The following FAT2 variants were observed in gnomAD, a reference collection of about 807,000 sequenced individuals.
FAT2 encodes the protein FAT atypical cadherin 2.
In FAT2, 150 loss-of-function variants were observed where a neutral mutation model predicts 295.3. The observed-to-expected ratio is 0.51, with a 90% CI of 0.44 to 0.58. The LOEUF is 0.58. Ranked by LOEUF, FAT2 falls within the 20% of genes least tolerant of loss-of-function variation. The pLI, the probability that FAT2 is intolerant of heterozygous loss-of-function variation, is 0.00. For missense variants in FAT2, 4,868 were observed against 5,442.7 expected, an observed-to-expected ratio of 0.89 and a Z score of 3.32; for synonymous variants, 2,026 against 2,150.3, an observed-to-expected ratio of 0.94 and a Z score of 1.60.
chr5:151,538,966 G>A (rs1032379394), intron 11 of FAT2, among the ~76,000 whole-genome samples: 24 of 152,126 alleles, frequency 1.6e-4, no homozygotes, highest in Middle Eastern at 3.4e-3. Flanking sequence ...GATTACAGAC[G>A]TGGATGGAAG....
At chr5:151,592,124 T>C (rs1316659494), upstream of FAT2, among the ~76,000 whole-genome samples, 1 of 152,214 alleles carries the variant, frequency 6.6e-6, no homozygotes, top group East Asian at 1.9e-4. Flanking sequence ...TTGGCTTTGA[T>C]GCGTTTTATG....
Position 151,529,409 on chromosome 5 carries a change from T to C in FAT2, c.9812-17A>G. On this transcript the variant is annotated splice_polypyrimidine_tract_variant and intron_variant, in intron 14 of 23. Transcript: ENST00000261800. Reference sequence around the variant, plus strand: ...ACAGGATCCCTGAAGAAGCAAGAGGTGACAGCAGCAATGAGGCAGTTGGGC... The same window carrying C: ...ACAGGATCCCTGAAGAAGCAAGAGGCGACAGCAGCAATGAGGCAGTTGGGC... 1 of 1,611,520 alleles carries C rather than the reference T, an allele frequency of 6.2e-7. No homozygotes were observed. The highest frequency in any genetic ancestry group is 2.2e-5 in the East Asian group (1 of 44,848).
At chr5:151,576,017 A>G (rs779754381) in intron 1 of FAT2, among the ~76,000 whole-genome samples, 1 of 152,216 alleles carries the variant, frequency 6.6e-6, no homozygotes, top group Non-Finnish European at 1.5e-5. Flanking sequence ...CGGCATAGGA[A>G]CCACAGGATT....
intron 19 of FAT2, among the ~76,000 whole-genome samples, chr5:151,519,424 G>A (rs962672910): frequency 1.3e-5 from 2 of 152,214 alleles, no homozygotes; most frequent in African/African-American, 4.8e-5. Flanking sequence ...TATTGGATGG[G>A]ATATTGAAGA....
At chr5:151,556,012 C>T (rs903809156) in intron 4 of FAT2, among the ~76,000 whole-genome samples, 5 of 152,130 alleles carry the variant, frequency 3.3e-5, no homozygotes, top group Middle Eastern at 3.2e-3. Context: ...AGTGTTTGAC[C>T]GAGAATGATT....
At chr5:151,535,742 G>A (rs886797871) in intron 12 of FAT2, among the ~76,000 whole-genome samples, 1 of 152,174 alleles carries the variant, frequency 6.6e-6, no homozygotes. Context: ...CTGGGTAAGG[G>A]GGTAGAGTCT....
rs771672087 is a variant in FAT2 at position 151,566,140 on chromosome 5, C to T, written c.2792G>A (p.Arg931Lys). Residue 931 changes from arginine to lysine, a missense_variant, in exon 2 of 24, where the codon AGG becomes AAG. Arg to Lys is a conservative substitution (Grantham distance 26). This residue lies in a region of FAT2 where 3,297 missense variants were observed against 3,669.4 expected (regional missense o/e 0.90). Coordinates refer to ENST00000261800, the MANE Select transcript of FAT2 (RefSeq NM_001447.3). ...NSPQCITEHN[R>K]LKVPEDLPPG... ...GGGCAGGTCCTCTGGAACCTTCAGC[C>T]TGTTGTGTTCTGTGATGCACTGGGG... 4 of 1,613,986 alleles carry T rather than the reference C, an allele frequency of 2.5e-6. No homozygotes were observed. The African/African-American group carries it at 4.0e-5, about 16-fold the overall frequency.
Position 151,565,658 on chromosome 5 carries a change from C to T in FAT2, c.3259+15G>A. 1.4e-6 allele frequency: 1 copy of T among 721,096 alleles called. No homozygotes were observed. Among genetic ancestry groups the T allele is most frequent in the Non-Finnish European group, 2.2e-6 (1 of 447,328 alleles). The allele number at this position is 721,096 out of a possible 1,614,324, so 44.7% of individuals were successfully genotyped here. ...CCTCTGGCCCTGGCACCCCACCCTA[C>T]CCCACCCCCAGTACCTGTATCTTGG... On this transcript the variant is annotated intron_variant, in intron 2 of 23. Coordinates refer to ENST00000261800, the MANE Select transcript of FAT2 (RefSeq NM_001447.3).
rs748640768 is a variant in FAT2 at position 151,565,973 on chromosome 5, G to A, written c.2959C>T (p.Leu987=). The change falls in exon 2 of 24, where the codon CTG becomes TTG. Residue 987 remains leucine (L), a synonymous_variant. Transcript: ENST00000261800. ...MTGALILERE[L]DFERRAGYNL... is the part of the protein sequence containing the mutation. Reference sequence around the variant, plus strand: ...TACCCAGCTCGCCTCTCAAAGTCCAGCTCTCTCTCCAGAATGAGCGCCCCT... The same window carrying A: ...TACCCAGCTCGCCTCTCAAAGTCCAACTCTCTCTCCAGAATGAGCGCCCCT... 3 of 1,613,998 alleles carry A rather than the reference G, an allele frequency of 1.9e-6. No homozygotes were observed. The highest frequency in any genetic ancestry group is 2.5e-6 in the Non-Finnish European group (3 of 1,180,016).
At chr5:151,513,623 A>G (rs79525299) in intron 20 of FAT2, among the ~76,000 whole-genome samples, 1 of 133,916 alleles carries the variant, frequency 7.5e-6, no homozygotes, top group South Asian at 2.5e-4. Flanking sequence ...GGTTAAGGAC[A>G]AAAAACTACC....
At chr5:151,541,016 C>G (rs1756079298) in intron 10 of FAT2, among the ~76,000 whole-genome samples, 1 of 152,066 alleles carries the variant, frequency 6.6e-6, no homozygotes, top group Non-Finnish European at 1.5e-5. Context: ...TGGCTGAAGG[C>G]AGGGTTTTTT....
Position 151,566,676 on chromosome 5 carries a change from A to G in FAT2, c.2256T>C (p.Tyr752=). ...PDAGFNGKLV[Y]VIADGNEEGC... is the part of the protein sequence containing the mutation. Reference sequence around the variant, plus strand: ...CCTCCTCATTGCCATCTGCAATCACATAGACCAGTTTGCCATTAAAACCAG... The same window carrying G: ...CCTCCTCATTGCCATCTGCAATCACGTAGACCAGTTTGCCATTAAAACCAG... The change falls in exon 2 of 24, where the codon TAT becomes TAC. Residue 752 remains tyrosine (Y), a synonymous_variant. Coordinates refer to ENST00000261800, the MANE Select transcript of FAT2 (RefSeq NM_001447.3). 3.7e-6 allele frequency: 6 copies of G among 1,614,166 alleles called. No individual in the cohort carries two copies. The highest frequency in any genetic ancestry group is 4.2e-6 in the Non-Finnish European group (5 of 1,180,034).
At chr5:151,569,076 G>T in intron 1 of FAT2, 125 bp from the exon 2 acceptor site, 1 of 969,784 alleles carries the variant, frequency 1.0e-6, no homozygotes. Context: ...GATACTTTTG[G>T]CTGACCCAGC....
chr5:151,563,669 T>C, intron 2 of FAT2, 30 bp from the exon 3 acceptor site: 1 of 1,594,160 alleles, frequency 6.3e-7, no homozygotes, highest in Non-Finnish European at 8.6e-7. Flanking sequence ...AAACCCAAAA[T>C]ACTTTAGAGC....
Position 151,507,337 on chromosome 5 carries a change from T to C in FAT2, c.12334A>G (p.Asn4112Asp), listed in dbSNP as rs533240264. 1,321 of 1,614,176 alleles carry C rather than the reference T, an allele frequency of 8.2e-4. 23 individuals are homozygous for C. In the South Asian group the frequency reaches 0.014, roughly 17 times the overall value. The stretch of plus-strand genomic sequence containing the variant: ...CTGGGTTCCGGTTGGTTGAGGTTGT[T>C]GCAGGAGCTGGCACTCAATGGGTTG... ...ELNPLSASSC[N>D]NLNQPEPSKA... Residue 4112 changes from asparagine to aspartate, a missense_variant, in exon 23 of 24, where the codon AAC (asparagine) becomes GAC (aspartate). This residue lies in a region of FAT2 where 492 missense variants were observed against 482.6 expected (regional missense o/e 1.02). Coordinates refer to ENST00000261800, the MANE Select transcript of FAT2 (RefSeq NM_001447.3).
chr5:151,521,390 G>C lies in FAT2; in HGVS notation c.11203C>G (p.Gln3735Glu), dbSNP rs2127579346. The change falls in exon 19 of 24, where the codon CAA becomes GAA. Residue 3735 changes from glutamine to glutamate, a missense_variant. Around this residue, in one of 5 missense-constraint regions of FAT2, gnomAD observed 1,046 missense variants for 1,210.1 expected, o/e 0.86. Transcript: ENST00000261800. ...VPCQGPTCQG[Q>E]ICHNTVHLDP... is the part of the protein sequence containing the mutation. ...AGATGCACTGTGTTATGGCAGATTTGACCCTGGCAGGTTGGCCCCTGGCAG... is the reference window on the plus strand; with the variant it reads ...AGATGCACTGTGTTATGGCAGATTTCACCCTGGCAGGTTGGCCCCTGGCAG... 1 of 1,614,204 alleles carries C rather than the reference G, an allele frequency of 6.2e-7. No homozygotes were observed. The highest frequency in any genetic ancestry group is 2.2e-5 in the East Asian group (1 of 44,886).
chr5:151,545,479 C>T lies in FAT2; in HGVS notation c.5648G>A (p.Gly1883Glu). 6.2e-7 allele frequency: 1 copy of T among 1,614,130 alleles called. No homozygotes were observed. Among genetic ancestry groups the T allele is most frequent in the Non-Finnish European group, 8.5e-7 (1 of 1,180,028 alleles). The change falls in exon 10 of 24, where the codon GGG becomes GAG. Residue 1883 changes from glycine to glutamate, a missense_variant. By Grantham distance (98) the Gly-to-Glu change is moderately conservative. Transcript: ENST00000261800. ...SEQIYEVAIV[G>E]PIHPGMELLM... is the part of the protein sequence containing the mutation. Reference sequence around the variant, plus strand: ...AAGCTCCATGCCTGGATGGATAGGCCCGACTATTGCTACCTCATATATCTG... The same window carrying T: ...AAGCTCCATGCCTGGATGGATAGGCTCGACTATTGCTACCTCATATATCTG...
intron 13 of FAT2, among the ~76,000 whole-genome samples, chr5:151,533,714 T>C (rs1265548161): frequency 2.0e-5 from 3 of 151,992 alleles, no homozygotes; most frequent in African/African-American, 7.3e-5. Flanking sequence ...TTGGACAGGT[T>C]ATATACATAT....
At chr5:151,557,468 A>G (rs963750478) in intron 3 of FAT2, among the ~76,000 whole-genome samples, 6 of 152,272 alleles carry the variant, frequency 3.9e-5, no homozygotes, top group African/African-American at 1.4e-4. Context: ...CCATTCTGGG[A>G]CTTTTGCAAG....
Sources: gnomAD v4.1 joint callset for allele counts (sites outside exome capture counted in the v4.1 genomes callset) on GRCh38, gnomAD v4.1.1 for gene constraint, gnomAD v4.1.1 regional missense constraint, MANE v1.5 for transcripts, NCBI Gene and HGNC (gene_info 2026-07-23, HGNC 2026-07-21) for gene names.